The following N4BP2L2 variants were observed in gnomAD, a reference collection of about 807,000 sequenced individuals.
N4BP2L2 encodes NEDD4 binding protein 2 like 2, also known as NEDD4-binding protein 2-like 2.
In N4BP2L2, 50 loss-of-function variants were observed where a neutral mutation model predicts 56.2. The observed-to-expected ratio is 0.89, with a 90% CI of 0.71 to 1.13. N4BP2L2 has a LOEUF of 1.13. N4BP2L2 is among the 50% of genes most tolerant of loss of function. The pLI is 0.00. For missense variants in N4BP2L2, 689 were observed against 693.8 expected (o/e 0.99, Z 0.08); for synonymous variants, 203 against 223.6 (o/e 0.91, Z 0.82).
In N4BP2L2 at chr13:32,527,406, A is replaced by T; in HGVS notation, c.1384+2T>A. 3.1e-6 allele frequency: 5 copies of T among 1,612,576 alleles called. No individual in the cohort carries two copies. The highest frequency in any genetic ancestry group is 4.2e-6 in the Non-Finnish European group (5 of 1,179,634). On this transcript the variant is annotated splice_donor_variant, in intron 3 of 5. Transcript: ENST00000267068. LOFTEE classifies it high-confidence loss of function. ...TCCTGGGACACTTAGCCCAAAACAA[A>T]CCTCTGTTCTGGTTCCAGTCATGGG...
exon 2 of N4BP2L2, chr13:32,536,629 T>A: frequency 6.2e-7 from 1 of 1,613,974 alleles, no homozygotes; most frequent in Non-Finnish European, 8.5e-7. Flanking sequence ...TACGTTTCTT[T>A]TTCTCAGGGG....
chr13:32,536,606 T>C (rs756907960), exon 2 of N4BP2L2: 29 of 1,613,812 alleles, frequency 1.8e-5, no homozygotes, highest in Admixed American at 3.3e-5. Flanking sequence ...ATGTGCCTCA[T>C]TCCTCCCTTC....
At chr13:32,478,512 C>T (rs147170795) in intron 6 of N4BP2L2, 45 of 155,158 alleles carry the variant, frequency 2.9e-4, no homozygotes, top group Non-Finnish European at 5.0e-4. Context: ...ACAGAAGCTA[C>T]GGGAGAAAAA....
chr13:32,501,580 C>T (rs979804177), intron 6 of N4BP2L2, among the ~76,000 whole-genome samples: 14 of 151,888 alleles, frequency 9.2e-5, no homozygotes, highest in African/African-American at 3.4e-4. Flanking sequence ...TTTGGGAGGC[C>T]GAGGCAGGCG....
At chr13:32,477,941 T>A in intron 6 of N4BP2L2, 1 of 1,289,392 alleles carries the variant, frequency 7.8e-7, no homozygotes. Context: ...TCCCTTTTGT[T>A]CTTGCTGCTC....
At chr13:32,450,884 C>T (rs2077890536) in intron 6 of N4BP2L2, among the ~76,000 whole-genome samples, 1 of 123,826 alleles carries the variant, frequency 8.1e-6, no homozygotes, top group Non-Finnish European at 1.6e-5. Context: ...CTCTCTCTCT[C>T]TCTCTCTCTC....
At chr13:32,438,543 G>A (rs2075784936) in intron 8 of N4BP2L2, 2 of 779,070 alleles carry the variant, frequency 2.6e-6, no homozygotes, top group African/African-American at 1.8e-5. Context: ...AGGTTGTGGT[G>A]AGCCAAGATC....
chr13:32,458,134 G>A (rs1027672293), intron 6 of N4BP2L2, among the ~76,000 whole-genome samples: 6 of 152,016 alleles, frequency 3.9e-5, no homozygotes, highest in Admixed American at 6.6e-5. Flanking sequence ...GCATGATCTC[G>A]GCTCACTGTC....
intron 6 of N4BP2L2, among the ~76,000 whole-genome samples, chr13:32,450,906 C>T (rs377057299): frequency 8.2e-5 from 10 of 121,900 alleles, no homozygotes; most frequent in African/African-American, 2.5e-4. Flanking sequence ...CTCTTTCTGA[C>T]GTGTTCTCCA....
chr13:32,482,514 A>AT lies in N4BP2L2; in HGVS notation c.365+35342dup, dbSNP rs113883024. Among the ~76,000 whole-genome samples the AT allele has an allele frequency of 2.9e-3, 420 of 145,724 alleles. 4 individuals carry two copies. The highest frequency in any genetic ancestry group is 9.0e-3 in the East Asian group (45 of 4,980). On this transcript the variant is annotated intron_variant, in intron 6 of 9. Coordinates refer to the N4BP2L2 transcript ENST00000357505. The stretch of plus-strand genomic sequence containing the variant: ...GGAGCTGGGACTAAATGACCAGCTA[A>AT]TTTTTTTTTTTTTTTGTATTTTTGT...
intron 5 of N4BP2L2, among the ~76,000 whole-genome samples, chr13:32,519,305 C>A (rs562717099): frequency 6.6e-6 from 1 of 151,452 alleles, no homozygotes; most frequent in Non-Finnish European, 1.5e-5. Flanking sequence ...GTCCCAGTTA[C>A]TCCCAAGGTG....
rs1463888520 is a variant in N4BP2L2 at position 32,535,753 on chromosome 13, G to C, written c.1259+16C>G. The C allele has an allele frequency of 1.9e-6, 3 of 1,601,572 alleles. No individual in the cohort carries two copies. The highest frequency in any genetic ancestry group is 1.7e-5 in the Admixed American group (1 of 57,832). On this transcript the variant is annotated intron_variant, in intron 2 of 5. Transcript: ENST00000267068. ...ATAATGAATTACCAAGTATTCAGTTGGTATCCTTTACTTACCGAGACAATG... is the reference window on the plus strand; with the variant it reads ...ATAATGAATTACCAAGTATTCAGTTCGTATCCTTTACTTACCGAGACAATG...
At chr13:32,466,529 C>A (rs1433288235) in intron 6 of N4BP2L2, among the ~76,000 whole-genome samples, 1 of 151,446 alleles carries the variant, frequency 6.6e-6, no homozygotes, top group Non-Finnish European at 1.5e-5. Context: ...ATCAGAGACT[C>A]CATCTCAAAA....
At chr13:32,516,364 C>T (rs2049210437) in exon 6 of N4BP2L2, 1 of 152,032 alleles carries the variant, frequency 6.6e-6, no homozygotes, top group East Asian at 1.9e-4. Flanking sequence ...ACGTATTAAA[C>T]AAGATAAAGG....
intron 6 of N4BP2L2, among the ~76,000 whole-genome samples, chr13:32,465,543 AAG>A (rs150626812): frequency 0.057 from 8,740 of 152,282 alleles, 846 homozygotes; most frequent in African/African-American, 0.2. Flanking sequence ...CAGCCACAAA[AAG>A]AGTTTCACAA....
chr13:32,474,264 C>A (rs1449441512), intron 6 of N4BP2L2, among the ~76,000 whole-genome samples: 1 of 151,832 alleles, frequency 6.6e-6, no homozygotes, highest in Non-Finnish European at 1.5e-5. Context: ...AAGGCATATA[C>A]AGTTTATTAT....
chr13:32,470,243 C>G (rs1335367402), intron 6 of N4BP2L2, among the ~76,000 whole-genome samples: 1 of 152,118 alleles, frequency 6.6e-6, no homozygotes, highest in Non-Finnish European at 1.5e-5. Flanking sequence ...CAGCCAGGAA[C>G]AGTTTGCCTT....
At chr13:32,451,967 C>T (rs893065154) in intron 6 of N4BP2L2, among the ~76,000 whole-genome samples, 2 of 151,992 alleles carry the variant, frequency 1.3e-5, no homozygotes, top group Non-Finnish European at 2.9e-5. Flanking sequence ...AAAGTTCTAC[C>T]GAATATTCAA....
chr13:32,481,117 T>G (rs1230189263), intron 6 of N4BP2L2, among the ~76,000 whole-genome samples: 1 of 9,504 alleles, frequency 1.1e-4, no homozygotes, highest in African/African-American at 7.5e-4. Flanking sequence ...AGACTCTGTC[T>G]CAAAAAAAAA....
Sources: gnomAD v4.1 joint callset for allele counts (sites outside exome capture counted in the v4.1 genomes callset) on GRCh38, gnomAD v4.1.1 for gene constraint, MANE v1.5 for transcripts, NCBI Gene and HGNC (gene_info 2026-07-23, HGNC 2026-07-21) for gene names.